The following DAB1 variants were observed in gnomAD, a reference collection of about 807,000 sequenced individuals.
The protein encoded by DAB1 is disabled homolog 1.
In DAB1, 15 loss-of-function variants were observed where a neutral mutation model predicts 64.6. That is an observed-to-expected ratio of 0.23 (90% CI 0.16 to 0.36). The LOEUF is 0.36. Ranked by LOEUF, DAB1 falls within the 10% of genes least tolerant of loss-of-function variation. DAB1 has a pLI of 1.00. For synonymous variants in DAB1, 235 were observed against 251.9 expected (o/e 0.93, Z 0.64); for missense variants, 596 against 706.7 (o/e 0.84, Z 1.78).
At chr1:57,652,682 T>G (rs567436833) in intron 6 of DAB1, among the ~76,000 whole-genome samples, 2 of 152,330 alleles carry the variant, frequency 1.3e-5, no homozygotes, top group South Asian at 4.1e-4. Flanking sequence ...TTTTTCTTAA[T>G]GTAGCTAAAG....
chr1:58,100,130 A>C (rs1462846406), intron 5 of DAB1, among the ~76,000 whole-genome samples: 2 of 152,170 alleles, frequency 1.3e-5, no homozygotes, highest in Non-Finnish European at 1.5e-5. Context: ...TTTAAATATA[A>C]AATTCAGTGG....
chr1:57,808,471 C>T (rs1226754630), intron 6 of DAB1, among the ~76,000 whole-genome samples: 1 of 152,186 alleles, frequency 6.6e-6, no homozygotes, highest in Non-Finnish European at 1.5e-5. Context: ...GGCCACATTA[C>T]TTAGCTCTGT....
intron 1 of DAB1, among the ~76,000 whole-genome samples, chr1:57,372,512 G>A (rs1354604931): frequency 6.6e-6 from 1 of 152,168 alleles, no homozygotes; most frequent in African/African-American, 2.4e-5. Flanking sequence ...TTATGATTGA[G>A]GCCCAACTCA....
chr1:58,256,995 A>T (rs1029130316), intron 4 of DAB1, among the ~76,000 whole-genome samples: 5 of 152,246 alleles, frequency 3.3e-5, no homozygotes, highest in Non-Finnish European at 5.9e-5. Flanking sequence ...AACATTTCAC[A>T]AGGGGATTTA....
chr1:57,693,609 G>A (rs78858686), intron 6 of DAB1, among the ~76,000 whole-genome samples: 2 of 152,242 alleles, frequency 1.3e-5, no homozygotes, highest in East Asian at 1.9e-4. Flanking sequence ...CTCCTTCCAC[G>A]CTGTGAAAGC....
rs367662561 is a variant in DAB1 at position 57,995,775 on chromosome 1, G to A, written n.388-111613C>T. ...TTTGAAAGTTTAAAGACTTGAAAAT[G>A]AGGCCAGCAGGGGTCTTTAAATTGC... On this transcript the variant is annotated intron_variant and non_coding_transcript_variant, in intron 5 of 20. Coordinates refer to the DAB1 transcript ENST00000485760. Among the ~76,000 whole-genome samples, 11 of 152,052 alleles carry A rather than the reference G, an allele frequency of 7.2e-5. No homozygotes were observed. In the East Asian group the frequency reaches 1.9e-3, roughly 27 times the overall value.
chr1:58,140,530 C>A (rs1257645239), intron 5 of DAB1, among the ~76,000 whole-genome samples: 1 of 152,066 alleles, frequency 6.6e-6, no homozygotes, highest in Non-Finnish European at 1.5e-5. Context: ...CCAGATGCTA[C>A]TTCTCCAGAT....
chr1:58,058,608 C>T lies in DAB1; in HGVS notation n.387+91903G>A, dbSNP rs79797073. Among the ~76,000 whole-genome samples, 1,342 of 152,182 alleles carry T rather than the reference C, an allele frequency of 8.8e-3. 27 individuals carry two copies. The highest frequency in any genetic ancestry group is 0.031 in the African/African-American group (1,288 of 41,488). On this transcript the variant is annotated intron_variant and non_coding_transcript_variant, in intron 5 of 20. Transcript: ENST00000485760. Reference sequence around the variant, plus strand: ...CTTCATCACTCATAGCAATGCTACCCGCTGGAACTACAGGAGTGCAGGGCT... The same window carrying T: ...CTTCATCACTCATAGCAATGCTACCTGCTGGAACTACAGGAGTGCAGGGCT...
chr1:58,315,037 T>C (rs1008614024), intron 4 of DAB1, among the ~76,000 whole-genome samples: 1 of 152,212 alleles, frequency 6.6e-6, no homozygotes, highest in Admixed American at 6.5e-5. Flanking sequence ...CTGCTCAAGG[T>C]GTGATTCAAG....
chr1:57,731,677 T>G (rs1647428465), intron 6 of DAB1, among the ~76,000 whole-genome samples: 1 of 151,858 alleles, frequency 6.6e-6, no homozygotes, highest in Non-Finnish European at 1.5e-5. Flanking sequence ...TGGTGGTGCA[T>G]GTCTGTAATC....
intron 3 of DAB1, among the ~76,000 whole-genome samples, chr1:58,371,569 C>G (rs1349911162): frequency 6.6e-6 from 1 of 152,200 alleles, no homozygotes; most frequent in African/African-American, 2.4e-5. Context: ...TAATGAGGAA[C>G]TGAATGTTAA....
chr1:57,359,593 T>C (rs1440525564), intron 1 of DAB1, among the ~76,000 whole-genome samples: 2 of 151,996 alleles, frequency 1.3e-5, no homozygotes, highest in Admixed American at 6.6e-5. Context: ...ACTGGAATTA[T>C]ATGCAAAGGA....
chr1:57,944,476 A>G (rs1464935431), intron 5 of DAB1, among the ~76,000 whole-genome samples: 1 of 152,228 alleles, frequency 6.6e-6, no homozygotes, highest in Non-Finnish European at 1.5e-5. Context: ...TAGACAACTC[A>G]AGGGCAGAGA....
At chr1:58,534,791 C>T (rs1231223152) in intron 1 of DAB1, among the ~76,000 whole-genome samples, 1 of 152,116 alleles carries the variant, frequency 6.6e-6, no homozygotes, top group East Asian at 1.9e-4. Flanking sequence ...AAAAAATTAG[C>T]CAGGCGTGGT....
At chr1:58,229,769 T>C (rs562918542) in intron 4 of DAB1, among the ~76,000 whole-genome samples, 2 of 152,304 alleles carry the variant, frequency 1.3e-5, no homozygotes, top group East Asian at 1.9e-4. Flanking sequence ...AAGCTGAGCC[T>C]CCTGGAGAAG....
intron 2 of DAB1, among the ~76,000 whole-genome samples, chr1:57,199,518 T>C (rs1172662587): frequency 2.0e-5 from 3 of 152,198 alleles, no homozygotes; most frequent in Admixed American, 6.5e-5. Flanking sequence ...CATAGCCATG[T>C]CAACTGTGAG....
chr1:57,472,669 G>C (rs1225554138), intron 7 of DAB1, among the ~76,000 whole-genome samples: 3 of 152,046 alleles, frequency 2.0e-5, no homozygotes, highest in South Asian at 2.1e-4. Context: ...CACCCCCTTA[G>C]AGTTGTGAGC....
chr1:57,641,186 G>A (rs372108027), intron 7 of DAB1, among the ~76,000 whole-genome samples: 147 of 152,208 alleles, frequency 9.7e-4, no homozygotes, highest in African/African-American at 3.5e-3. Context: ...GGATGGGTGA[G>A]TTGGGGTTAG....
intron 4 of DAB1, among the ~76,000 whole-genome samples, chr1:58,291,454 T>C (rs889985635): frequency 1.3e-5 from 2 of 152,214 alleles, no homozygotes; most frequent in East Asian, 3.9e-4. Flanking sequence ...TGTAAGTGGC[T>C]GCTAAAACAT....
Sources: allele counts gnomAD v4.1 joint callset (sites outside exome capture counted in the v4.1 genomes callset), GRCh38; gene constraint gnomAD v4.1.1; transcripts MANE v1.5; gene names NCBI Gene and HGNC (gene_info 2026-07-23, HGNC 2026-07-21).